The following ZFP28 variants were observed in gnomAD, a reference collection of about 807,000 sequenced individuals.
The protein encoded by ZFP28 is zinc finger protein 28 homolog.
ZFP28 carries 31 observed loss-of-function variants against 39.5 expected under a neutral mutation model. The observed-to-expected ratio is 0.79, with a 90% CI of 0.59 to 1.06. ZFP28 has a LOEUF of 1.06. Among genes scored for constraint, ZFP28 ranks in the 50% least tolerant of loss-of-function variants. ZFP28 has a pLI of 0.00. For missense variants in ZFP28, 925 were observed against 1,048.4 expected, an observed-to-expected ratio of 0.88 and a Z score of 1.63; for synonymous variants, 400 against 378.6, an observed-to-expected ratio of 1.06 and a Z score of -0.66.
intron 2 of ZFP28, among the ~76,000 whole-genome samples, chr19:56,543,731 A>T (rs747849821): frequency 6.6e-6 from 1 of 152,244 alleles, no homozygotes; most frequent in Non-Finnish European, 1.5e-5. Flanking sequence ...CAGGACCTGC[A>T]CATTTGACAA....
chr19:56,551,439 CA>C, intron 7 of ZFP28: 1 of 985,454 alleles, frequency 1.0e-6, no homozygotes, highest in African/African-American at 1.7e-5. Context: ...GTTACGCATA[CA>C]CGTTTTTCAT....
chr19:56,540,000 G>A (rs1391295845), intron 2 of ZFP28, among the ~76,000 whole-genome samples: 1 of 152,174 alleles, frequency 6.6e-6, no homozygotes, highest in Non-Finnish European at 1.5e-5. Flanking sequence ...TGGAGGAATT[G>A]TGCCCCTTGA....
At chr19:56,538,832 C>T (rs2044162290), upstream of ZFP28, 2 of 44,490 alleles carry the variant, frequency 4.5e-5, no homozygotes, top group African/African-American at 1.8e-4. Context: ...CGGGGCGGGG[C>T]AGCGGGGAGG....
chr19:56,553,886 C>T lies in ZFP28; in HGVS notation c.1101C>T (p.Thr367=), dbSNP rs1400797171. Residue 367 remains threonine, a synonymous_variant, in exon 8 of 8, where the codon ACC becomes ACT. Coordinates refer to ENST00000301318, the MANE Select transcript of ZFP28 (RefSeq NM_020828.2). ...FRQEPITHNK[T]LSKERERTYN... is the part of the protein sequence containing the mutation. ...AAGAGCCAATTACTCATAACAAAAC[C>T]CTCTCTAAGGAAAGAGAACGTACAT... 3 of 1,613,930 alleles carry T rather than the reference C, an allele frequency of 1.9e-6. No homozygotes were observed. In the South Asian group the frequency reaches 3.3e-5, roughly 18 times the overall value.
rs2044356242 is a variant in ZFP28 at position 56,556,771 on chromosome 19, T to A, written c.*1379T>A. The A allele has an allele frequency of 6.6e-6, 1 of 152,172 alleles. No homozygotes were observed. Among genetic ancestry groups the A allele is most frequent in the Non-Finnish European group, 1.5e-5 (1 of 68,024 alleles). The allele number at this position is 152,172 out of a possible 1,614,324, so 9.4% of individuals were successfully genotyped here. A position where few individuals can be genotyped will look rare whatever the true frequency, so the allele number is the denominator to read the frequency against. On this transcript the variant is annotated 3_prime_UTR_variant, in exon 8 of 8. Coordinates refer to ENST00000301318, the MANE Select transcript of ZFP28 (RefSeq NM_020828.2). ...ATTAAACTATATTGAAAAATAAAGA[T>A]GTCAATAAAAGGAGAAATGATATTT...
chr19:56,550,260 A>G, intron 6 of ZFP28, 79 bp downstream of exon 6: 1 of 1,359,642 alleles, frequency 7.4e-7, no homozygotes. Flanking sequence ...ATTATGGAGG[A>G]GGGAGGGGGT....
intron 4 of ZFP28, among the ~76,000 whole-genome samples, chr19:56,548,733 T>C (rs952874491): frequency 1.3e-5 from 2 of 152,242 alleles, no homozygotes; most frequent in East Asian, 1.9e-4. Context: ...AAAGGTCTTA[T>C]TGTGGCCTTT....
chr19:56,550,951 A>G lies in ZFP28; in HGVS notation c.898+346A>G, dbSNP rs1188859208. 9 of 1,393,656 alleles carry G rather than the reference A, an allele frequency of 6.5e-6. No individual in the cohort carries two copies. In the East Asian group the frequency reaches 2.1e-4, roughly 33 times the overall value. The allele number at this position is 1,393,656 out of a possible 1,614,324, so 86.3% of individuals were successfully genotyped here. A position where few individuals can be genotyped will look rare whatever the true frequency, so the allele number is the denominator to read the frequency against. The stretch of plus-strand genomic sequence containing the variant: ...AAATGGCCTATTGTTTTCATCATGC[A>G]TCCATTCCTGTGAGAACCACAAATT... On this transcript the variant is annotated intron_variant, in intron 7 of 7. Transcript: ENST00000301318.
At position 56,553,876 on chromosome 19, in the gene ZFP28, A is replaced by G. The variant is rs761042507; in HGVS notation, c.1091A>G (p.His364Arg). The change falls in exon 8 of 8, where the codon CAT becomes CGT. Residue 364 changes from histidine to arginine, a missense_variant. This residue lies in a region of ZFP28 where 556 missense variants were observed against 542.9 expected (regional missense o/e 1.02). Transcript: ENST00000301318. ...ETQFRQEPIT[H>R]NKTLSKERER... ...CAATTCAGGCAAGAGCCAATTACTC[A>G]TAACAAAACCCTCTCTAAGGAAAGA... 18 of 1,614,072 alleles carry G rather than the reference A, an allele frequency of 1.1e-5. No homozygotes were observed. In the South Asian group the frequency reaches 1.2e-4, roughly 11 times the overall value.
rs553150821 is a variant in ZFP28 at position 56,542,351 on chromosome 19, G to A, written c.300+2635G>A. Among the ~76,000 whole-genome samples, 3 of 151,846 alleles carry A rather than the reference G, an allele frequency of 2.0e-5. No homozygotes were observed. In the South Asian group the frequency reaches 6.3e-4, roughly 32 times the overall value. On this transcript the variant is annotated intron_variant, in intron 2 of 7. Coordinates refer to ENST00000301318, the MANE Select transcript of ZFP28 (RefSeq NM_020828.2). ...GTATTTTTTGTAGAGATGGGGTTTT[G>A]CCATGTTTCCCAGGCTGGTCTCGAA...
At chr19:56,540,740 G>A (rs1348323454) in intron 2 of ZFP28, among the ~76,000 whole-genome samples, 2 of 152,188 alleles carry the variant, frequency 1.3e-5, no homozygotes, top group Non-Finnish European at 2.9e-5. Flanking sequence ...AAGACAATAT[G>A]TAAATGAATG....
intron 2 of ZFP28, 107 bp downstream of exon 2, chr19:56,539,823 C>A: frequency 4.0e-6 from 4 of 1,011,316 alleles, no homozygotes; most frequent in Non-Finnish European, 2.9e-6. Flanking sequence ...TGTTTGGGCG[C>A]GGGTTTCTAT....
At chr19:56,550,768 C>T (rs751907736) in intron 7 of ZFP28, 163 bp downstream of exon 7, 8 of 1,533,806 alleles carry the variant, frequency 5.2e-6, no homozygotes, top group Non-Finnish European at 6.1e-6. Flanking sequence ...TTCTTTCCTC[C>T]TCCTTTGCCC....
Position 56,553,738 on chromosome 19 carries a change from C to T in ZFP28, c.953C>T (p.Ala318Val), listed in dbSNP as rs1297546626. 2.5e-6 allele frequency: 4 copies of T among 1,613,796 alleles called. No individual in the cohort carries two copies. Among genetic ancestry groups the T allele is most frequent in the South Asian group, 1.1e-5 (1 of 90,990 alleles). Residue 318 changes from alanine (A) to valine (V), a missense_variant, in exon 8 of 8, where the codon GCT becomes GTT. Physicochemically the swap from Ala to Val is moderately conservative, Grantham distance 64 (BLOSUM62 0). Around this residue, in one of 2 missense-constraint regions of ZFP28, gnomAD observed 556 missense variants for 542.9 expected, o/e 1.02. Transcript: ENST00000301318. Reference sequence around the variant, plus strand: ...TTATTTCCAAAGCAAGATTCATATGCTGAAGGGGTAACAGACAGAACCTCA... The same window carrying T: ...TTATTTCCAAAGCAAGATTCATATGTTGAAGGGGTAACAGACAGAACCTCA... ...QELFPKQDSY[A>V]EGVTDRTSNT...
chr19:56,550,156 G>C lies in ZFP28; in HGVS notation c.777G>C (p.Glu259Asp). 1 of 1,612,228 alleles carries C rather than the reference G, an allele frequency of 6.2e-7. No homozygotes were observed. Among genetic ancestry groups the C allele is most frequent in the Non-Finnish European group, 8.5e-7 (1 of 1,179,270 alleles). The change falls in exon 6 of 8, where the codon GAG becomes GAC. Residue 259 changes from glutamate to aspartate, a missense_variant. Physicochemically the swap from Glu to Asp is conservative, Grantham distance 45. Transcript: ENST00000301318. ...QKNFCKNGIW[E>D]NNSDLGSAGH... ...ATTTCTGTAAGAATGGGATATGGGA[G>C]AACAACAGTGACCTGGGATCAGCAG... is the stretch of plus-strand genomic sequence containing the variant.
In ZFP28 at chr19:56,549,035, A is replaced by G. The variant is rs1655051631; in HGVS notation, c.601A>G (p.Ile201Val). The change falls in exon 5 of 8, where the codon ATA becomes GTA. Residue 201 changes from isoleucine (I) to valine (V), a missense_variant. Coordinates refer to ENST00000301318, the MANE Select transcript of ZFP28 (RefSeq NM_020828.2). ...FCEGKLSQAV[I>V]TERLTSYNLE... ...CGAAGGAAAGCTATCCCAGGCAGTG[A>G]TAACAGAGAGACTCACAAGCTATAA... 3.1e-6 allele frequency: 5 copies of G among 1,614,148 alleles called. No homozygotes were observed. Among genetic ancestry groups the G allele is most frequent in the Non-Finnish European group, 2.5e-6 (3 of 1,180,026 alleles).
intron 7 of ZFP28, chr19:56,551,970 T>C (rs1465894530): frequency 6.2e-6 from 6 of 974,312 alleles, no homozygotes; most frequent in Non-Finnish European, 7.3e-6. Flanking sequence ...TTATGACATG[T>C]AAAAATTTTC....
intron 2 of ZFP28, among the ~76,000 whole-genome samples, chr19:56,542,947 G>A (rs893352648): frequency 6.6e-5 from 10 of 151,942 alleles, no homozygotes; most frequent in African/African-American, 1.9e-4. Flanking sequence ...TATTTTGTAT[G>A]AATACATTCC....
In ZFP28 at chr19:56,541,937, G is replaced by A. The variant is rs544807259; in HGVS notation, c.300+2221G>A. On this transcript the variant is annotated intron_variant, in intron 2 of 7. Coordinates refer to ENST00000301318, the MANE Select transcript of ZFP28 (RefSeq NM_020828.2). The stretch of plus-strand genomic sequence containing the variant: ...AGACAGGGTTTCACCATGTTGGCCA[G>A]GCTGGTCTCGATTTCCTGACCTCAA... Among the ~76,000 whole-genome samples the A allele has an allele frequency of 2.3e-3, 330 of 141,954 alleles. 3 individuals carry two copies. Among genetic ancestry groups the A allele is most frequent in the African/African-American group, 8.4e-3 (313 of 37,134 alleles). The allele number at this position is 141,954 out of a possible 152,430, so 93.1% of individuals were successfully genotyped here.
Sources: gnomAD v4.1 joint callset for allele counts (sites outside exome capture counted in the v4.1 genomes callset) on GRCh38, gnomAD v4.1.1 for gene constraint, gnomAD v4.1.1 regional missense constraint, MANE v1.5 for transcripts, NCBI Gene and HGNC (gene_info 2026-07-23, HGNC 2026-07-21) for gene names.